RASA3: variants seen among roughly 807,000 people sequenced by gnomAD.
RASA3 encodes the protein RAS p21 protein activator 3.
A neutral mutation model predicts 110.0 loss-of-function variants in RASA3; 73 were observed. That is an observed-to-expected ratio of 0.66 (90% confidence interval 0.55 to 0.81). The LOEUF is 0.81. RASA3 is among the 30% of genes least tolerant of loss of function. RASA3 has a pLI of 0.00. For synonymous variants in RASA3, 500 were observed against 451.4 expected (o/e 1.11, Z -1.37); for missense variants, 976 against 1,113.2 (o/e 0.88, Z 1.75).
At position 114,054,856 on chromosome 13, in the gene RASA3, G is replaced by A. The variant is rs117476211; in HGVS notation, c.174-2701C>T. Among the ~76,000 whole-genome samples the A allele has an allele frequency of 2.0e-3, 303 of 152,368 alleles. 8 individuals carry two copies. The East Asian group carries it at 0.044, about 22-fold the overall frequency. On this transcript the variant is annotated intron_variant, in intron 2 of 23. Transcript: ENST00000334062. ...ACACATTCTCGCGTTGGTCGTTGAC[G>A]CAGCGAGCCATCCTCTGATCTCCTG... is the stretch of plus-strand genomic sequence containing the variant.
intron 1 of RASA3, among the ~76,000 whole-genome samples, chr13:114,087,756 T>C (rs1435850663): frequency 2.0e-5 from 3 of 152,198 alleles, no homozygotes; most frequent in Non-Finnish European, 4.4e-5. Context: ...TCAGACAACT[T>C]ATCAGAGGGC....
intron 21 of RASA3, among the ~76,000 whole-genome samples, chr13:113,994,827 A>G (rs1462151626): frequency 6.6e-6 from 1 of 152,174 alleles, no homozygotes; most frequent in Non-Finnish European, 1.5e-5. Flanking sequence ...TAAAACAATT[A>G]GCCTGGAATG....
Position 114,010,030 on chromosome 13 carries a change from G to A in RASA3, c.1591-566C>T, listed in dbSNP as rs185301785. On this transcript the variant is annotated intron_variant, in intron 16 of 23. Coordinates refer to ENST00000334062, the MANE Select transcript of RASA3 (RefSeq NM_007368.4). ...CTGCACAGTTCCCTGGCTGTGAAATGAGGTGGGTTTGGTGCAGACCTCGGA... is the reference window on the plus strand; with the variant it reads ...CTGCACAGTTCCCTGGCTGTGAAATAAGGTGGGTTTGGTGCAGACCTCGGA... Among the ~76,000 whole-genome samples the A allele has an allele frequency of 3.8e-3, 576 of 152,362 alleles. 4 individuals carry two copies. The highest frequency in any genetic ancestry group is 5.4e-3 in the Non-Finnish European group (366 of 68,032).
intron 1 of RASA3, among the ~76,000 whole-genome samples, chr13:114,075,436 C>A (rs541543731): frequency 2.0e-5 from 3 of 152,214 alleles, no homozygotes; most frequent in Non-Finnish European, 4.4e-5. Flanking sequence ...GCCCCAGGGT[C>A]TGGACAACGC....
rs1447716172 is a variant in RASA3, at chr13:114,115,008, A to G, written c.55+17427T>C. On this transcript the variant is annotated intron_variant, in intron 1 of 23. Coordinates refer to ENST00000334062, the MANE Select transcript of RASA3 (RefSeq NM_007368.4). This position sits in a 1 kb window ranked among gnomAD's most constrained non-coding sequence, Gnocchi z 5.0. Reference sequence around the variant, plus strand: ...CCCACCCCCAGCTGTGAGATGCTGCAGGTTCCCCAGCCCCACCCCCAGCTG... The same window carrying G: ...CCCACCCCCAGCTGTGAGATGCTGCGGGTTCCCCAGCCCCACCCCCAGCTG... 6.7e-6 allele frequency among the ~76,000 whole-genome samples: 1 copy of G among 149,130 alleles called. No homozygotes were observed. The highest frequency in any genetic ancestry group is 2.5e-5 in the African/African-American group (1 of 40,436).
intron 4 of RASA3, among the ~76,000 whole-genome samples, chr13:114,037,730 G>C (rs1009961178): frequency 2.0e-5 from 3 of 152,188 alleles, no homozygotes; most frequent in Non-Finnish European, 4.4e-5. Context: ...TACACAGAGA[G>C]ACACACACAG....
intron 1 of RASA3, among the ~76,000 whole-genome samples, chr13:114,120,096 G>A (rs1278847055): frequency 2.2e-3 from 171 of 77,786 alleles, no homozygotes; most frequent in Middle Eastern, 8.5e-3. Flanking sequence ...CTCCAGCCAG[G>A]CGTCGATCAG....
intron 1 of RASA3, among the ~76,000 whole-genome samples, chr13:114,116,017 G>A (rs1408469989): frequency 2.6e-5 from 4 of 152,254 alleles, no homozygotes; most frequent in African/African-American, 4.8e-5. Flanking sequence ...GCTGACATGA[G>A]TGTGGATGTT....
At chr13:114,082,046 C>T (rs922432043) in intron 1 of RASA3, among the ~76,000 whole-genome samples, 1 of 152,232 alleles carries the variant, frequency 6.6e-6, no homozygotes, top group African/African-American at 2.4e-5. Flanking sequence ...AGGACGGGCT[C>T]CAGGCAGTAA....
Position 114,013,248 on chromosome 13 carries a change from T to C in RASA3, c.1406A>G (p.Asp469Gly), listed in dbSNP as rs374791206. 1.2e-6 allele frequency: 2 copies of C among 1,610,094 alleles called. No homozygotes were observed. Among genetic ancestry groups the C allele is most frequent in the Non-Finnish European group, 1.7e-6 (2 of 1,178,264 alleles). ...TGCAGTGTACCTGACGTCCGGGTCA[T>C]CTGCGGGAGAGAGAAGCAGGGTGAC... is the stretch of plus-strand genomic sequence containing the variant. ...LREAAAKRFQDDPDVRYTAVS... is the reference protein window; with the variant it reads ...LREAAAKRFQGDPDVRYTAVS... The change falls in exon 15 of 24, where the codon GAT becomes GGT. Residue 469 changes from aspartate (D) to glycine (G), a missense_variant and splice_region_variant. By Grantham distance (94) the Asp-to-Gly change is moderately conservative (BLOSUM62 -1). This residue lies in a region of RASA3 where 732 missense variants were observed against 779.7 expected (regional missense o/e 0.94). Coordinates refer to ENST00000334062, the MANE Select transcript of RASA3 (RefSeq NM_007368.4).
chr13:113,982,385 C>T (rs970603423), intron 22 of RASA3, among the ~76,000 whole-genome samples: 4 of 152,244 alleles, frequency 2.6e-5, no homozygotes, highest in Admixed American at 1.3e-4. Flanking sequence ...GAGCACAGGG[C>T]GGACACCAGT....
intron 3 of RASA3, among the ~76,000 whole-genome samples, chr13:114,047,779 G>A (rs2079077633): frequency 6.6e-6 from 1 of 152,216 alleles, no homozygotes; most frequent in Non-Finnish European, 1.5e-5. Context: ...GCCCCTCCAG[G>A]GTTTGAGTCA....
chr13:114,130,681 C>G (rs901568344), intron 1 of RASA3, among the ~76,000 whole-genome samples: 1 of 152,202 alleles, frequency 6.6e-6, no homozygotes, highest in Admixed American at 6.5e-5. Context: ...AAAGTCCTGC[C>G]GTGGCCTGAA....
chr13:113,995,741 C>CGG (rs531099676), intron 21 of RASA3, among the ~76,000 whole-genome samples: 3,649 of 13,656 alleles, frequency 0.27, 947 homozygotes, highest in African/African-American at 0.47. Context: ...GCCCGGCTGA[C>CGG]GGGGGCCCGG....
rs191006633 is a variant in RASA3, at chr13:114,011,818, A to T, written c.1513-570T>A. 6.6e-6 allele frequency among the ~76,000 whole-genome samples: 1 copy of T among 152,140 alleles called. No individual in the cohort carries two copies. The highest frequency in any genetic ancestry group is 2.4e-5 in the African/African-American group (1 of 41,502). On this transcript the variant is annotated intron_variant, in intron 15 of 23. Transcript: ENST00000334062. The surrounding 1 kb of genome is among the most constrained non-coding windows in gnomAD (Gnocchi z 4.8). ...ACGTCTGTAATCCAAGCTACTAGGG[A>T]GGCTGACGCACGAGAATTGCTTGAA... is the stretch of plus-strand genomic sequence containing the variant.
chr13:114,029,279 T>TG (rs761115861), intron 5 of RASA3, among the ~76,000 whole-genome samples: 2 of 12,404 alleles, frequency 1.6e-4, no homozygotes, highest in Non-Finnish European at 2.5e-4. Flanking sequence ...GGCATCATCC[T>TG]GGGGCCAGGA....
chr13:114,000,031 G>A (rs2053355135), intron 19 of RASA3, among the ~76,000 whole-genome samples: 1 of 77,194 alleles, frequency 1.3e-5, no homozygotes, highest in South Asian at 6.9e-4. Flanking sequence ...GTCTCTGCTA[G>A]AGGGTCTCTG....
rs1408067411 is a variant in RASA3, at chr13:114,014,161, T to C, written c.1406-913A>G. On this transcript the variant is annotated intron_variant, in intron 14 of 23. Transcript: ENST00000334062. The surrounding 1 kb of genome is among the most constrained non-coding windows in gnomAD (Gnocchi z 4.5). The stretch of plus-strand genomic sequence containing the variant: ...GTCTCTCTCCTTCTGTCTCTGCCTC[T>C]CTCTCCATCTCTCCCTGTTTCTCTC... Among the ~76,000 whole-genome samples, 2 of 152,130 alleles carry C rather than the reference T, an allele frequency of 1.3e-5. No individual in the cohort carries two copies. The highest frequency in any genetic ancestry group is 3.2e-3 in the Middle Eastern group (1 of 316).
chr13:114,029,803 T>G lies in RASA3; in HGVS notation c.449+8A>C, dbSNP rs371534380. 1 of 1,589,862 alleles carries G rather than the reference T, an allele frequency of 6.3e-7. No individual in the cohort carries two copies. Among genetic ancestry groups the G allele is most frequent in the Admixed American group, 1.7e-5 (1 of 57,614 alleles). Reference sequence around the variant, plus strand: ...GTGCGCTCGGTCTCTAGTGAGGACGTGTCTTACCGTGTGGCGAGCTTGTGG... The same window carrying G: ...GTGCGCTCGGTCTCTAGTGAGGACGGGTCTTACCGTGTGGCGAGCTTGTGG... On this transcript the variant is annotated splice_region_variant and intron_variant, in intron 5 of 23. Coordinates refer to ENST00000334062, the MANE Select transcript of RASA3 (RefSeq NM_007368.4).
Sources: gnomAD v4.1 joint callset for allele counts (sites outside exome capture counted in the v4.1 genomes callset) on GRCh38, gnomAD v4.1.1 for gene constraint, gnomAD v4.1.1 regional missense constraint, Gnocchi (gnomAD v3.1) non-coding constraint, MANE v1.5 for transcripts, NCBI Gene and HGNC (gene_info 2026-07-23, HGNC 2026-07-21) for gene names.